The following ECT2 variants were observed in gnomAD, a reference collection of about 807,000 sequenced individuals.
ECT2 encodes protein ECT2.
Under a neutral mutation model 116.9 loss-of-function variants are expected in ECT2, and 61 were observed. That is an observed-to-expected ratio of 0.52 (90% CI 0.42 to 0.65). The LOEUF (loss-of-function observed/expected upper bound fraction) is 0.65, where lower values mean the gene tolerates loss of function less well. ECT2 is among the 30% of genes least tolerant of loss of function. The pLI is 0.00. For synonymous variants in ECT2, 358 were observed against 346.4 expected, an observed-to-expected ratio of 1.03 and a Z score of -0.37; for missense variants, 937 against 1,078.7, an observed-to-expected ratio of 0.87 and a Z score of 1.84.
chr3:172,817,561 CTG>C (rs1293716977), intron 24 of ECT2, among the ~76,000 whole-genome samples: 3 of 151,930 alleles, frequency 2.0e-5, no homozygotes, highest in Non-Finnish European at 2.9e-5. Flanking sequence ...ATCTCTGAAA[CTG>C]TATTTCAGAG....
intron 13 of ECT2, among the ~76,000 whole-genome samples, chr3:172,772,686 CTAAGTT>C (rs1383950576): frequency 6.6e-6 from 1 of 151,870 alleles, no homozygotes; most frequent in Admixed American, 6.6e-5. Flanking sequence ...AACTCTTTAC[CTAAGTT>C]TAAGTCATGA....
chr3:172,776,130 G>A (rs1453841043), intron 14 of ECT2, among the ~76,000 whole-genome samples: 1 of 150,476 alleles, frequency 6.6e-6, no homozygotes, highest in Admixed American at 6.6e-5. Context: ...GTTTTCTCAA[G>A]TGTAACTTAA....
chr3:172,819,976 T>C (rs1730468567), intron 24 of ECT2, among the ~76,000 whole-genome samples, 172 bp from the exon 25 acceptor site: 1 of 152,108 alleles, frequency 6.6e-6, no homozygotes. Flanking sequence ...TTTTCTTTTT[T>C]CTCCCTTTTC....
At chr3:172,754,717 A>G (rs555919529) in intron 2 of ECT2, 57 bp downstream of exon 2, 3 of 1,354,626 alleles carry the variant, frequency 2.2e-6, no homozygotes, top group Middle Eastern at 2.1e-4. Context: ...TAAACTTATT[A>G]GTGACTTTCT....
At chr3:172,791,536 C>G (rs1468219975) in intron 18 of ECT2, among the ~76,000 whole-genome samples, 1 of 152,226 alleles carries the variant, frequency 6.6e-6, no homozygotes, top group Non-Finnish European at 1.5e-5. Context: ...GCTGCTTCAC[C>G]TTGTACTTTT....
rs1372669340 is a variant in ECT2, at chr3:172,821,222, T to C, written c.*985T>C. ...AAGTGTGATATCTTTCACAATAGCC[T>C]TTTTATAGTCAGTAATTCAGAATAA... On this transcript the variant is annotated 3_prime_UTR_variant, in exon 25 of 25. Transcript: ENST00000392692. 1.3e-5 allele frequency: 2 copies of C among 151,942 alleles called. No homozygotes were observed. Among genetic ancestry groups the C allele is most frequent in the African/African-American group, 2.4e-5 (1 of 41,454 alleles). The allele number at this position is 151,942 out of a possible 1,614,324, so 9.4% of individuals were successfully genotyped here.
intron 17 of ECT2, among the ~76,000 whole-genome samples, chr3:172,786,182 C>T (rs1723578938): frequency 6.6e-6 from 1 of 152,116 alleles, no homozygotes; most frequent in Admixed American, 6.6e-5. Flanking sequence ...TATTGAGGAT[C>T]ATGTGTTTTC....
In ECT2 at chr3:172,769,151, T is replaced by C; in HGVS notation, c.1428+8T>C. ...TTGGCAACAATTATTCAGGTAAGTA[T>C]GAGTTTGATTGAAAAATGATTTCTG... On this transcript the variant is annotated splice_region_variant and intron_variant, in intron 13 of 24. Coordinates refer to ENST00000392692, the MANE Select transcript of ECT2 (RefSeq NM_001258315.2). 2.5e-6 allele frequency: 4 copies of C among 1,597,276 alleles called. No individual in the cohort carries two copies. Among genetic ancestry groups the C allele is most frequent in the Non-Finnish European group, 3.4e-6 (4 of 1,169,852 alleles).
chr3:172,793,300 G>A (rs191657373), intron 18 of ECT2, among the ~76,000 whole-genome samples: 148 of 150,972 alleles, frequency 9.8e-4, no homozygotes, highest in African/African-American at 3.0e-3. Context: ...GAGTAGCTGG[G>A]ATTACAGGCA....
chr3:172,824,362 T>C (rs909161307), downstream of ECT2, among the ~76,000 whole-genome samples: 1 of 152,010 alleles, frequency 6.6e-6, no homozygotes, highest in Admixed American at 6.6e-5. Flanking sequence ...AGCCAGCACT[T>C]CAGATGGCCA....
intron 5 of ECT2, among the ~76,000 whole-genome samples, chr3:172,758,531 A>G (rs1337215607): frequency 6.6e-6 from 1 of 151,852 alleles, no homozygotes; most frequent in Non-Finnish European, 1.5e-5. Context: ...ACTGAATATC[A>G]CCATTTATTA....
intron 24 of ECT2, among the ~76,000 whole-genome samples, chr3:172,817,582 G>A (rs1416923476): frequency 1.3e-5 from 2 of 151,936 alleles, no homozygotes; most frequent in African/African-American, 2.4e-5. Context: ...AGGATGATAC[G>A]AGTTCTAAAT....
rs1302147034 is a variant in ECT2, at chr3:172,820,442, T to C, written c.*205T>C. 1 of 347,524 alleles carries C rather than the reference T, an allele frequency of 2.9e-6. No homozygotes were observed. The highest frequency in any genetic ancestry group is 2.1e-5 in the African/African-American group (1 of 47,110). The allele number at this position is 347,524 out of a possible 1,614,324, so 21.5% of individuals were successfully genotyped here. A position where few individuals can be genotyped will look rare whatever the true frequency, so the allele number is the denominator to read the frequency against. ...AGTTAATTCATGTAAAAAATGATAG[T>C]GATTTTGATGTAATTTATCTCTTGT... On this transcript the variant is annotated 3_prime_UTR_variant, in exon 25 of 25. Transcript: ENST00000392692.
intron 18 of ECT2, among the ~76,000 whole-genome samples, chr3:172,788,496 C>T (rs758825625): frequency 1.3e-4 from 20 of 152,134 alleles, no homozygotes; most frequent in Non-Finnish European, 2.6e-4. Context: ...TTTACTCATG[C>T]CCCTTGGTAA....
intron 18 of ECT2, among the ~76,000 whole-genome samples, chr3:172,787,324 C>T (rs745626288): frequency 1.8e-4 from 28 of 151,662 alleles, no homozygotes; most frequent in Admixed American, 6.6e-5. Context: ...GGAGAAACTT[C>T]GTTAGCTCTA....
At chr3:172,824,441 C>T (rs1386745847), downstream of ECT2, among the ~76,000 whole-genome samples, 1 of 152,114 alleles carries the variant, frequency 6.6e-6, no homozygotes, top group Non-Finnish European at 1.5e-5. Flanking sequence ...CTCATGAGAA[C>T]TCTTATGAGA....
chr3:172,816,905 TA>T, intron 24 of ECT2, 68 bp downstream of exon 24: 2 of 1,272,058 alleles, frequency 1.6e-6, no homozygotes, highest in Non-Finnish European at 2.1e-6. Context: ...TGTTAACTTC[TA>T]AAAATTGGAA....
At chr3:172,759,153 GT>G in intron 6 of ECT2, 84 bp downstream of exon 6, 2 of 928,968 alleles carry the variant, frequency 2.2e-6, no homozygotes, top group Non-Finnish European at 3.2e-6. Flanking sequence ...TAGTATTATG[GT>G]TTTATTTTTA....
At chr3:172,791,226 C>T (rs939981551) in intron 18 of ECT2, among the ~76,000 whole-genome samples, 4 of 152,156 alleles carry the variant, frequency 2.6e-5, no homozygotes, top group African/African-American at 9.7e-5. Context: ...AGAGCACAGG[C>T]AGAGTCGATT....
Sources: allele counts gnomAD v4.1 joint callset (sites outside exome capture counted in the v4.1 genomes callset), GRCh38; gene constraint gnomAD v4.1.1; transcripts MANE v1.5; gene names NCBI Gene and HGNC (gene_info 2026-07-23, HGNC 2026-07-21).